ZNF641: variants seen among roughly 807,000 people sequenced by gnomAD.
The protein encoded by ZNF641 is zinc finger protein 641.
In ZNF641, 26 loss-of-function variants were observed where a neutral mutation model predicts 46.2. The observed-to-expected ratio is 0.56, with a 90% CI of 0.41 to 0.78. The LOEUF (loss-of-function observed/expected upper bound fraction) is 0.78. ZNF641 is among the 30% of genes least tolerant of loss of function. The probability of loss-of-function intolerance (pLI) is 0.00; values close to 1 mark genes in which losing one functional copy is unlikely to be tolerated. For synonymous variants in ZNF641, 163 were observed against 187.9 expected, an observed-to-expected ratio of 0.87 and a Z score of 1.09; for missense variants, 469 against 517.8, an observed-to-expected ratio of 0.91 and a Z score of 0.91.
At chr12:48,348,870 G>C (rs377492204) in intron 1 of ZNF641, among the ~76,000 whole-genome samples, 33 of 152,222 alleles carry the variant, frequency 2.2e-4, no homozygotes, top group African/African-American at 7.0e-4. Context: ...GCTGGAAAAG[G>C]GGGGAAGAAC....
Position 48,341,736 on chromosome 12 carries a change from A to G in ZNF641, c.*1237T>C. The G allele has an allele frequency of 2.0e-6, 2 of 985,494 alleles. No individual in the cohort carries two copies. Among genetic ancestry groups the G allele is most frequent in the Non-Finnish European group, 2.4e-6 (2 of 829,946 alleles). The allele number at this position is 985,494 out of a possible 1,614,324, so 61.0% of individuals were successfully genotyped here. ...TTCTATGTGCCTCTTGCCTGAAATCAACAAGAAACAGCTCACCTCCCCAAA... is the reference window on the plus strand; with the variant it reads ...TTCTATGTGCCTCTTGCCTGAAATCGACAAGAAACAGCTCACCTCCCCAAA... On this transcript the variant is annotated 3_prime_UTR_variant, in exon 6 of 6. Transcript: ENST00000547026.
Position 48,345,403 on chromosome 12 carries a change from C to A in ZNF641, c.348G>T (p.Gln116His). 6.2e-7 allele frequency: 1 copy of A among 1,614,180 alleles called. No individual in the cohort carries two copies. The highest frequency in any genetic ancestry group is 8.5e-7 in the Non-Finnish European group (1 of 1,180,034). Residue 116 changes from glutamine to histidine, a missense_variant, in exon 4 of 6, where the codon CAG becomes CAT. Gln to His is a conservative substitution (Grantham distance 24, BLOSUM62 0). Around this residue, in one of 3 missense-constraint regions of ZNF641, gnomAD observed 25 missense variants for 58.1 expected, o/e 0.43. Coordinates refer to ENST00000547026, the MANE Select transcript of ZNF641 (RefSeq NM_001172681.2). ...QEEWRSLDPS[Q>H]TDFYGEYVMQ... ...TGACATATTCTCCATAAAAGTCTGT[C>A]TGAGAGGGGTCCAGGCTCCGCCACT... is the stretch of plus-strand genomic sequence containing the variant.
chr12:48,339,724 T>A lies in ZNF641; in HGVS notation c.*3249A>T, dbSNP rs1259390742. 6.2e-6 allele frequency: 1 copy of A among 162,480 alleles called. No individual in the cohort carries two copies. Among genetic ancestry groups the A allele is most frequent in the Admixed American group, 6.5e-5 (1 of 15,296 alleles). 10.1% of individuals were successfully genotyped at this position (162,480 alleles called of 1,614,324 possible). A position where few individuals can be genotyped will look rare whatever the true frequency, so the allele number is the denominator to read the frequency against. On this transcript the variant is annotated 3_prime_UTR_variant, in exon 6 of 6. Coordinates refer to ENST00000547026, the MANE Select transcript of ZNF641 (RefSeq NM_001172681.2). ...TGGAAATAGGAAACAGTGATTTGAT[T>A]GCAGGAATGTTGGAAAGGGAGGAAT... is the stretch of plus-strand genomic sequence containing the variant.
chr12:48,342,683 C>A lies in ZNF641; in HGVS notation c.*290G>T. ...GACTCCAACCAATCAGAATGGATTT[C>A]AGCCATAAACTGCCAGTACCACTCT... On this transcript the variant is annotated 3_prime_UTR_variant, in exon 6 of 6. Transcript: ENST00000547026. The A allele has an allele frequency of 1.2e-6, 1 of 864,284 alleles. No individual in the cohort carries two copies. The highest frequency in any genetic ancestry group is 1.6e-6 in the Non-Finnish European group (1 of 644,074). The allele number at this position is 864,284 out of a possible 1,614,324, so 53.5% of individuals were successfully genotyped here. A position where few individuals can be genotyped will look rare whatever the true frequency, so the allele number is the denominator to read the frequency against.
chr12:48,345,764 G>A lies in ZNF641; in HGVS notation c.277-290C>T, dbSNP rs374115687. 5.9e-5 allele frequency among the ~76,000 whole-genome samples: 9 copies of A among 152,168 alleles called. No homozygotes were observed. The East Asian group carries it at 1.2e-3, about 20-fold the overall frequency. On this transcript the variant is annotated intron_variant, in intron 3 of 5. Transcript: ENST00000547026. ...CATCACCACCTCTGTTTAGCTACAG[G>A]TGTCTACTCAGTCACTTCTCCCTGG...
At chr12:48,349,926 T>A in intron 1 of ZNF641, 1 of 1,184,672 alleles carries the variant, frequency 8.4e-7, no homozygotes, top group Non-Finnish European at 1.3e-6. Flanking sequence ...GGTAGCAGAG[T>A]CTCTTAATGG....
chr12:48,350,048 G>C (rs1215329826), intron 1 of ZNF641: 4 of 1,614,086 alleles, frequency 2.5e-6, no homozygotes, highest in Non-Finnish European at 3.4e-6. Context: ...ATGGGTACCT[G>C]TCCTCAGCTT....
intron 2 of ZNF641, 85 bp downstream of exon 2, chr12:48,347,822 C>A (rs1042443003): frequency 4.4e-6 from 6 of 1,348,726 alleles, no homozygotes; most frequent in Admixed American, 1.9e-5. Flanking sequence ...TAGTCCATGG[C>A]AATTTGGAGA....
chr12:48,350,697 C>T (rs532665195), intron 1 of ZNF641, 89 bp downstream of exon 1: 25 of 402,666 alleles, frequency 6.2e-5, no homozygotes, highest in Non-Finnish European at 7.7e-5. Flanking sequence ...CTCCCAGCCC[C>T]TATGGGTGAC....
At chr12:48,347,158 TC>T in intron 3 of ZNF641, 93 bp downstream of exon 3, 1 of 1,599,984 alleles carries the variant, frequency 6.3e-7, no homozygotes, top group Non-Finnish European at 8.5e-7. Context: ...CCATTGATGA[TC>T]ATGTGAGCCA....
At chr12:48,343,947 C>T (rs921430371) in intron 5 of ZNF641, among the ~76,000 whole-genome samples, 5 of 152,196 alleles carry the variant, frequency 3.3e-5, no homozygotes, top group African/African-American at 1.2e-4. Flanking sequence ...TCTCAGCTTT[C>T]CCACTTAACT....
Position 48,341,738 on chromosome 12 carries a change from C to T in ZNF641, c.*1235G>A. 2.0e-6 allele frequency: 2 copies of T among 985,468 alleles called. No individual in the cohort carries two copies. Among genetic ancestry groups the T allele is most frequent in the Non-Finnish European group, 1.2e-6 (1 of 829,936 alleles). 61.0% of individuals were successfully genotyped at this position (985,468 alleles called of 1,614,324 possible). Reference sequence around the variant, plus strand: ...CTATGTGCCTCTTGCCTGAAATCAACAAGAAACAGCTCACCTCCCCAAAGA... The same window carrying T: ...CTATGTGCCTCTTGCCTGAAATCAATAAGAAACAGCTCACCTCCCCAAAGA... On this transcript the variant is annotated 3_prime_UTR_variant, in exon 6 of 6. Transcript: ENST00000547026.
At chr12:48,345,275 T>C (rs1952836570) in intron 4 of ZNF641, 70 bp downstream of exon 4, 1 of 1,569,304 alleles carries the variant, frequency 6.4e-7, no homozygotes, top group Non-Finnish European at 8.7e-7. Flanking sequence ...CACTATCCAA[T>C]AGCCCTGAAG....
intron 1 of ZNF641, chr12:48,350,235 CT>C (rs1350777481): frequency 4.8e-6 from 7 of 1,470,852 alleles, no homozygotes; most frequent in Non-Finnish European, 6.3e-6. Flanking sequence ...AAGGAAGTTT[CT>C]GCAGCCAGTG....
chr12:48,341,298 C>T lies in ZNF641; in HGVS notation c.*1675G>A. The T allele has an allele frequency of 1.0e-6, 1 of 985,382 alleles. No individual in the cohort carries two copies. Among genetic ancestry groups the T allele is most frequent in the Middle Eastern group, 5.2e-4 (1 of 1,914 alleles). The allele number at this position is 985,382 out of a possible 1,614,324, so 61.0% of individuals were successfully genotyped here. On this transcript the variant is annotated 3_prime_UTR_variant, in exon 6 of 6. Coordinates refer to ENST00000547026, the MANE Select transcript of ZNF641 (RefSeq NM_001172681.2). ...TCTAAGCATTAAAGAGAAAATATCCCACTTTGCTCCTCTTCCTCCCTAACC... is the reference window on the plus strand; with the variant it reads ...TCTAAGCATTAAAGAGAAAATATCCTACTTTGCTCCTCTTCCTCCCTAACC...
Position 48,348,064 on chromosome 12 carries a change from C to G in ZNF641, c.27G>C (p.Leu9=), listed in dbSNP as rs140606413. The change falls in exon 2 of 6, where the codon CTG becomes CTC. Residue 9 remains leucine (L), a synonymous_variant. Coordinates refer to ENST00000547026, the MANE Select transcript of ZNF641 (RefSeq NM_001172681.2). MLSEQTAA[L]GTGWESMNVQ... is the part of the protein sequence containing the mutation. ...CATTCATTGATTCCCATCCTGTCCC[C>G]AGCGCTGCTGTCTGTTCTGAAAGCA... 2 of 1,614,126 alleles carry G rather than the reference C, an allele frequency of 1.2e-6. No homozygotes were observed. Among genetic ancestry groups the G allele is most frequent in the African/African-American group, 2.7e-5 (2 of 74,940 alleles).
chr12:48,337,240 C>T lies in ZNF641; in HGVS notation c.*5733G>A. On this transcript the variant is annotated 3_prime_UTR_variant, in exon 6 of 6. Transcript: ENST00000547026. ...GGACCATAAGTCCCCTGTTGGGTAA[C>T]CCAAGGAAGTTCACAGTTCATCAGA... 1 of 152,170 alleles carries T rather than the reference C, an allele frequency of 6.6e-6. No individual in the cohort carries two copies. Among genetic ancestry groups the T allele is most frequent in the Non-Finnish European group, 1.5e-5 (1 of 68,032 alleles). 9.4% of individuals were successfully genotyped at this position (152,170 alleles called of 1,614,324 possible). A position where few individuals can be genotyped will look rare whatever the true frequency, so the allele number is the denominator to read the frequency against.
At position 48,340,979 on chromosome 12, in the gene ZNF641, G is replaced by C. The variant is rs1952703853; in HGVS notation, c.*1994C>G. The C allele has an allele frequency of 1.0e-6, 1 of 985,466 alleles. No individual in the cohort carries two copies. Among genetic ancestry groups the C allele is most frequent in the African/African-American group, 1.7e-5 (1 of 57,366 alleles). The allele number at this position is 985,466 out of a possible 1,614,324, so 61.0% of individuals were successfully genotyped here. On this transcript the variant is annotated 3_prime_UTR_variant, in exon 6 of 6. Transcript: ENST00000547026. ...TTTTGCCTTATTCATAGGATCATAA[G>C]CAAGAGAACTGCATTCCAGGAAGAA...
intron 3 of ZNF641, chr12:48,347,010 C>G (rs1952890030): frequency 6.9e-6 from 5 of 723,044 alleles, no homozygotes; most frequent in Admixed American, 3.3e-5. Context: ...GATTCTGTCT[C>G]AAAAACAAAA....
Sources: gnomAD v4.1 joint callset for allele counts (sites outside exome capture counted in the v4.1 genomes callset) on GRCh38, gnomAD v4.1.1 for gene constraint, gnomAD v4.1.1 regional missense constraint, MANE v1.5 for transcripts, NCBI Gene and HGNC (gene_info 2026-07-23, HGNC 2026-07-21) for gene names.